The following GRP variants were observed in gnomAD, a reference collection of about 807,000 sequenced individuals.
GRP encodes gastrin releasing peptide, also known as gastrin-releasing peptide.
GRP carries 11 observed loss-of-function variants against 12.7 expected under a neutral mutation model. The observed-to-expected ratio is 0.87, with a 90% confidence interval of 0.55 to 1.44. The LOEUF is 1.44. Among genes scored for constraint, GRP ranks in the 40% most tolerant of loss-of-function variants. The pLI is 0.00. For synonymous variants in GRP, 84 were observed against 77.7 expected (o/e 1.08, Z -0.43); for missense variants, 212 against 185.4 (o/e 1.14, Z -0.83).
intron 2 of GRP, among the ~76,000 whole-genome samples, chr18:59,228,136 C>T (rs2069973925): frequency 6.6e-6 from 1 of 152,118 alleles, no homozygotes; most frequent in Non-Finnish European, 1.5e-5. Context: ...TTCCTAGTAA[C>T]ACAAAAACAA....
At chr18:59,227,040 T>TCTTCCTTCCTTC (rs2069948416) in intron 2 of GRP, among the ~76,000 whole-genome samples, 1 of 130,880 alleles carries the variant, frequency 7.6e-6, no homozygotes, top group Admixed American at 7.4e-5. Context: ...TTTCTTTCTT[T>TCTTCCTTCCTTC]CTTTCTTTCT....
intron 2 of GRP, among the ~76,000 whole-genome samples, chr18:59,226,860 G>A (rs779526583): frequency 6.6e-5 from 10 of 152,154 alleles, no homozygotes; most frequent in South Asian, 4.1e-4. Context: ...GCCAAGCCTC[G>A]GCTGGCTTTC....
At chr18:59,219,341 G>T (rs1024661518), upstream of GRP, among the ~76,000 whole-genome samples, 2 of 150,114 alleles carry the variant, frequency 1.3e-5, no homozygotes, top group Non-Finnish European at 3.0e-5. Flanking sequence ...AATACCAGGT[G>T]GGTTAAGGAT....
At position 59,226,992 on chromosome 18, in the gene GRP, C is replaced by CCTTTCTTTCTTT. The variant is rs34258044; in HGVS notation, c.382+1310_382+1321dup. ...TTCTGGCTATGTGGTTTCTTTTCTT[C>CCTTTCTTTCTTT]CTTTCTTTCTTTCTTTCTTTCTTTC... On this transcript the variant is annotated intron_variant, in intron 2 of 2. Transcript: ENST00000256857. Among the ~76,000 whole-genome samples the CCTTTCTTTCTTT allele has an allele frequency of 3.7e-3, 401 of 107,884 alleles. 3 individuals carry two copies. Among genetic ancestry groups the CCTTTCTTTCTTT allele is most frequent in the East Asian group, 9.0e-3 (37 of 4,090 alleles). 70.8% of individuals were successfully genotyped at this position (107,884 alleles called of 152,430 possible).
At position 59,224,039 on chromosome 18, in the gene GRP, T is replaced by C. The variant is rs116277414; in HGVS notation, c.140-1453T>C. On this transcript the variant is annotated intron_variant, in intron 1 of 2. Coordinates refer to ENST00000256857, the MANE Select transcript of GRP (RefSeq NM_002091.5). ...CAATTACATAATGCATCATGATATATTGGCATATAATCCCTATTTTTATAA... is the reference window on the plus strand; with the variant it reads ...CAATTACATAATGCATCATGATATACTGGCATATAATCCCTATTTTTATAA... Among the ~76,000 whole-genome samples the C allele has an allele frequency of 4.2e-3, 646 of 152,292 alleles. 6 individuals are homozygous for C. Among genetic ancestry groups the C allele is most frequent in the African/African-American group, 0.014 (581 of 41,518 alleles).
rs779038565 is a variant in GRP at position 59,230,434 on chromosome 18, G to A, written c.413G>A (p.Arg138His). 9 of 1,600,026 alleles carry A rather than the reference G, an allele frequency of 5.6e-6. No homozygotes were observed. Among genetic ancestry groups the A allele is most frequent in the Admixed American group, 3.3e-5 (2 of 59,904 alleles). The change falls in exon 3 of 3, where the codon CGT becomes CAT. Residue 138 changes from arginine (R) to histidine (H), a missense_variant. Coordinates refer to ENST00000256857, the MANE Select transcript of GRP (RefSeq NM_002091.5). The stretch of plus-strand genomic sequence containing the variant: ...AGACTCTCTGCTCCAGGTTCTCAAC[G>A]TGAAGGAAGGAACCCCCAGCTGAAC... ...VGRLSAPGSQ[R>H]EGRNPQLNQQ
rs1403453040 is a variant in GRP, at chr18:59,220,315, T to C, written c.50T>C (p.Leu17Pro). The C allele has an allele frequency of 1.3e-6, 2 of 1,501,502 alleles. No individual in the cohort carries two copies. The highest frequency in any genetic ancestry group is 4.2e-5 in the Admixed American group (2 of 47,402). The allele number at this position is 1,501,502 out of a possible 1,614,324, so 93.0% of individuals were successfully genotyped here. A position where few individuals can be genotyped will look rare whatever the true frequency, so the allele number is the denominator to read the frequency against. Residue 17 changes from leucine (L) to proline (P), a missense_variant, in exon 1 of 3, where the codon CTG (leucine) becomes CCG (proline). Coordinates refer to ENST00000256857, the MANE Select transcript of GRP (RefSeq NM_002091.5). ...GTCCTGCTGGCGCTGGTCCTCTGCC[T>C]GGCGCCCCGGGGGCGAGCGGTCCCG... ...PLVLLALVLC[L>P]APRGRAVPLP...
At chr18:59,227,024 T>TCTTTCTTTCTTTCTTTCTTTCTTC (rs1555663432) in intron 2 of GRP, among the ~76,000 whole-genome samples, 10 of 145,184 alleles carry the variant, frequency 6.9e-5, no homozygotes, top group Non-Finnish European at 1.1e-4. Flanking sequence ...TTTCTTTCTT[T>TCTTTCTTTCTTTCTTTCTTTCTTC]CTTTCTTTCT....
chr18:59,219,819 G>A (rs952053893), upstream of GRP, among the ~76,000 whole-genome samples: 3 of 152,052 alleles, frequency 2.0e-5, no homozygotes, highest in African/African-American at 4.8e-5. Flanking sequence ...AGGCAGCGGG[G>A]TCGCCCTCTC....
chr18:59,221,595 C>G (rs368450400), intron 1 of GRP, among the ~76,000 whole-genome samples: 1 of 149,760 alleles, frequency 6.7e-6, no homozygotes, highest in Non-Finnish European at 1.5e-5. Flanking sequence ...GTGTGTGTCT[C>G]TGTGTGTGTG....
Position 59,220,214 on chromosome 18 carries a change from C to T in GRP, c.-52C>T. 2 of 1,369,858 alleles carry T rather than the reference C, an allele frequency of 1.5e-6. No individual in the cohort carries two copies. Among genetic ancestry groups the T allele is most frequent in the Non-Finnish European group, 1.9e-6 (2 of 1,060,312 alleles). 84.9% of individuals were successfully genotyped at this position (1,369,858 alleles called of 1,614,324 possible). A position where few individuals can be genotyped will look rare whatever the true frequency, so the allele number is the denominator to read the frequency against. On this transcript the variant is annotated 5_prime_UTR_variant, in exon 1 of 3. Transcript: ENST00000256857. Reference sequence around the variant, plus strand: ...CTCCTCCGAGGTCCGGGTCACCAGTCTCTGCTCTTCCCAGCCTCTCCGGCG... The same window carrying T: ...CTCCTCCGAGGTCCGGGTCACCAGTTTCTGCTCTTCCCAGCCTCTCCGGCG...
At chr18:59,224,226 T>TTGCCA (rs2069879219) in intron 1 of GRP, among the ~76,000 whole-genome samples, 38 of 152,358 alleles carry the variant, frequency 2.5e-4, no homozygotes, top group Admixed American at 2.3e-3. Flanking sequence ...TACATCTATG[T>TTGCCA]GACCTCTGGC....
At chr18:59,226,327 T>C (rs1190726706) in intron 2 of GRP, among the ~76,000 whole-genome samples, 1 of 152,082 alleles carries the variant, frequency 6.6e-6, no homozygotes, top group Non-Finnish European at 1.5e-5. Context: ...TTAAAGACAG[T>C]GAGCAAGATA....
chr18:59,220,356 G>C lies in GRP; in HGVS notation c.91G>C (p.Gly31Arg). 1 of 1,474,766 alleles carries C rather than the reference G, an allele frequency of 6.8e-7. No individual in the cohort carries two copies. 91.4% of individuals were successfully genotyped at this position (1,474,766 alleles called of 1,614,324 possible). The change falls in exon 1 of 3, where the codon GGG (glycine) becomes CGG (arginine). Residue 31 changes from glycine (G) to arginine (R), a missense_variant. Gly to Arg is a moderately radical substitution (Grantham distance 125, BLOSUM62 -2). Coordinates refer to ENST00000256857, the MANE Select transcript of GRP (RefSeq NM_002091.5). ...AGCGGTCCCGCTGCCTGCGGGCGGA[G>C]GGACCGTGCTGACCAAGATGTACCC... ...GRAVPLPAGGGTVLTKMYPRG... is the reference protein window; with the variant it reads ...GRAVPLPAGGRTVLTKMYPRG...
intron 2 of GRP, among the ~76,000 whole-genome samples, chr18:59,227,025 CTTTCTTT>C (rs2069945491): frequency 7.4e-6 from 1 of 135,500 alleles, no homozygotes. Flanking sequence ...TTCTTTCTTT[CTTTCTTT>C]CTTTCTTTCT....
rs779184592 is a variant in GRP at position 59,230,491 on chromosome 18, A to AG, written c.*24dup. The AG allele has an allele frequency of 2.1e-6, 3 of 1,409,228 alleles. No individual in the cohort carries two copies. Among genetic ancestry groups the AG allele is most frequent in the Non-Finnish European group, 3.0e-6 (3 of 992,738 alleles). The allele number at this position is 1,409,228 out of a possible 1,614,324, so 87.3% of individuals were successfully genotyped here. The stretch of plus-strand genomic sequence containing the variant: ...TGATAATGATGGCCTCTCTCAAAAG[A>AG]GAAAAACAAAACCCCTAAGAGACTG... On this transcript the variant is annotated 3_prime_UTR_variant, in exon 3 of 3. Transcript: ENST00000256857.
rs2070019268 is a variant in GRP at position 59,230,597 on chromosome 18, T to G, written c.*129T>G. On this transcript the variant is annotated 3_prime_UTR_variant, in exon 3 of 3. Transcript: ENST00000256857. The stretch of plus-strand genomic sequence containing the variant: ...TTTGACTATTCTGTATCTTTCATCC[T>G]TGACTAAATTCGTGATTTTCAAGCA... 2 of 623,058 alleles carry G rather than the reference T, an allele frequency of 3.2e-6. No homozygotes were observed. Among genetic ancestry groups the G allele is most frequent in the East Asian group, 5.3e-5 (2 of 37,482 alleles). The allele number at this position is 623,058 out of a possible 1,614,324, so 38.6% of individuals were successfully genotyped here. A position where few individuals can be genotyped will look rare whatever the true frequency, so the allele number is the denominator to read the frequency against.
chr18:59,226,988 TCTTC>T (rs879454779), intron 2 of GRP, among the ~76,000 whole-genome samples: 5,178 of 144,460 alleles, frequency 0.036, 198 homozygotes, highest in African/African-American at 0.077. Flanking sequence ...TGGTTTCTTT[TCTTC>T]CTTTCTTTCT....
At chr18:59,221,595 C>CTGTGTGTGTGTGTGTGTGTGTG (rs143541111) in intron 1 of GRP, among the ~76,000 whole-genome samples, 1 of 149,760 alleles carries the variant, frequency 6.7e-6, no homozygotes, top group Non-Finnish European at 1.5e-5. Context: ...GTGTGTGTCT[C>CTGTGTGTGTGTGTGTGTGTGTG]TGTGTGTGTG....
Sources: allele counts gnomAD v4.1 joint callset (sites outside exome capture counted in the v4.1 genomes callset), GRCh38; gene constraint gnomAD v4.1.1; transcripts MANE v1.5; gene names NCBI Gene and HGNC (gene_info 2026-07-23, HGNC 2026-07-21).